The following FBLN1 variants were observed in gnomAD, a reference collection of about 807,000 sequenced individuals.
FBLN1 encodes fibulin-1.
Under a neutral mutation model 89.7 loss-of-function variants are expected in FBLN1, and 34 were observed. That is an observed-to-expected ratio of 0.38 (90% confidence interval 0.29 to 0.50). The LOEUF is 0.50. FBLN1 is among the 20% of genes least tolerant of loss of function. The pLI, the probability that FBLN1 is intolerant of heterozygous loss-of-function variation, is 0.92. For missense variants in FBLN1, 777 were observed against 988.1 expected, an observed-to-expected ratio of 0.79 and a Z score of 2.86; for synonymous variants, 393 against 391.3, an observed-to-expected ratio of 1.00 and a Z score of -0.05.
intron 14 of FBLN1, among the ~76,000 whole-genome samples, chr22:45,559,802 A>G (rs968419334): frequency 6.6e-6 from 1 of 152,188 alleles, no homozygotes; most frequent in African/African-American, 2.4e-5. Flanking sequence ...TACTCTGGTA[A>G]AAGGCCAGAG....
chr22:45,572,124 T>G lies in FBLN1; in HGVS notation c.1698-2387T>G, dbSNP rs1051069925. Among the ~76,000 whole-genome samples, 1 of 151,806 alleles carries G rather than the reference T, an allele frequency of 6.6e-6. No homozygotes were observed. The highest frequency in any genetic ancestry group is 1.5e-5 in the Non-Finnish European group (1 of 67,928). On this transcript the variant is annotated intron_variant, in intron 14 of 16. Coordinates refer to ENST00000327858, the MANE Select transcript of FBLN1 (RefSeq NM_006486.3). This position sits in a 1 kb window ranked among gnomAD's most constrained non-coding sequence, Gnocchi z 5.8. ...AGCCTGGGTGACAGAGCGAGACTCA[T>G]CTCAAAAAATATATAAAAATAAAAA... is the stretch of plus-strand genomic sequence containing the variant.
chr22:45,544,330 G>A (rs898104782), intron 11 of FBLN1, among the ~76,000 whole-genome samples: 10 of 152,168 alleles, frequency 6.6e-5, no homozygotes, highest in African/African-American at 2.2e-4. Context: ...CAGATGATCC[G>A]CCCACCTCGG....
rs2088408406 is a variant in FBLN1, at chr22:45,531,553, C to A, written c.544+229C>A. 6.6e-6 allele frequency among the ~76,000 whole-genome samples: 1 copy of A among 152,174 alleles called. No homozygotes were observed. The highest frequency in any genetic ancestry group is 2.4e-5 in the African/African-American group (1 of 41,432). On this transcript the variant is annotated intron_variant, in intron 5 of 16. Coordinates refer to ENST00000327858, the MANE Select transcript of FBLN1 (RefSeq NM_006486.3). This position sits in a 1 kb window ranked among gnomAD's most constrained non-coding sequence, Gnocchi z 4.9. ...AAAAACAAACAAACAAAAAGCAAAACCAAGGAATCTCGGTGCTGATCTCAC... is the reference window on the plus strand; with the variant it reads ...AAAAACAAACAAACAAAAAGCAAAAACAAGGAATCTCGGTGCTGATCTCAC...
At chr22:45,504,290 T>G (rs1602153420) in intron 1 of FBLN1, among the ~76,000 whole-genome samples, 1 of 152,206 alleles carries the variant, frequency 6.6e-6, no homozygotes, top group South Asian at 2.1e-4. Context: ...CAGAGCCCTG[T>G]GGAGCTCTGA....
rs76629160 is a variant in FBLN1 at position 45,583,811 on chromosome 22, A to G, written c.1972+6703A>G. Among the ~76,000 whole-genome samples the G allele has an allele frequency of 8.2e-3, 1,246 of 152,160 alleles. 15 individuals carry two copies. The highest frequency in any genetic ancestry group is 0.029 in the African/African-American group (1,183 of 41,496). On this transcript the variant is annotated intron_variant, in intron 16 of 16. Transcript: ENST00000327858. This position sits in a 1 kb window ranked among gnomAD's most constrained non-coding sequence, Gnocchi z 4.5. Reference sequence around the variant, plus strand: ...ATGAGAGAGAGAGAGAATGAGAGAGAGAGACAGAGAGAGACCTGTGGGACC... The same window carrying G: ...ATGAGAGAGAGAGAGAATGAGAGAGGGAGACAGAGAGAGACCTGTGGGACC...
At position 45,556,428 on chromosome 22, in the gene FBLN1, A is replaced by G. The variant is rs1004020539; in HGVS notation, c.1697+5813A>G. ...ATTCTGTATTCCCTTTGCCTTCAGC[A>G]AGCACCTTGGCAGATCTTGTTTTTT... On this transcript the variant is annotated intron_variant, in intron 14 of 16. Transcript: ENST00000327858. The surrounding 1 kb of genome is among the most constrained non-coding windows in gnomAD (Gnocchi z 4.6). 6.6e-6 allele frequency among the ~76,000 whole-genome samples: 1 copy of G among 150,714 alleles called. No individual in the cohort carries two copies. The highest frequency in any genetic ancestry group is 2.4e-5 in the African/African-American group (1 of 41,078).
At position 45,563,243 on chromosome 22, in the gene FBLN1, A is replaced by G. The variant is rs924850956; in HGVS notation, c.1698-11268A>G. On this transcript the variant is annotated intron_variant, in intron 14 of 16. Coordinates refer to ENST00000327858, the MANE Select transcript of FBLN1 (RefSeq NM_006486.3). The surrounding 1 kb of genome is among the most constrained non-coding windows in gnomAD (Gnocchi z 5.7). ...CAGCTCCTTTGTGGCCAAGCTTTTC[A>G]TCTTTGTGTCTGCAGAGCTCTGAGC... 2 of 1,613,474 alleles carry G rather than the reference A, an allele frequency of 1.2e-6. No individual in the cohort carries two copies. Among genetic ancestry groups the G allele is most frequent in the African/African-American group, 1.3e-5 (1 of 74,868 alleles).
At chr22:45,517,613 C>A (rs1334550522) in intron 1 of FBLN1, 1 of 471,204 alleles carries the variant, frequency 2.1e-6, no homozygotes, top group African/African-American at 2.0e-5. Flanking sequence ...TGCGGTTACT[C>A]CTGAACCTGT....
At chr22:45,542,684 G>A (rs776104037) in intron 10 of FBLN1, among the ~76,000 whole-genome samples, 1 of 152,212 alleles carries the variant, frequency 6.6e-6, no homozygotes, top group Non-Finnish European at 1.5e-5. Context: ...AGTTGACCAG[G>A]AGTGGGGTCA....
chr22:45,574,730 A>T lies in FBLN1; in HGVS notation c.1840+77A>T. The T allele has an allele frequency of 1.8e-5, 19 of 1,085,594 alleles. No homozygotes were observed. The highest frequency in any genetic ancestry group is 2.9e-5 in the East Asian group (1 of 34,074). The allele number at this position is 1,085,594 out of a possible 1,614,324, so 67.2% of individuals were successfully genotyped here. On this transcript the variant is annotated intron_variant, in intron 15 of 16. Transcript: ENST00000327858. This position sits in a 1 kb window ranked among gnomAD's most constrained non-coding sequence, Gnocchi z 4.1. ...TTCAGCTGAGGGCTTGGCCTACAGG[A>T]GTTGTTCCTTGTAAGATGTGGCCCA...
chr22:45,596,903 A>G (rs2089192285), intron 16 of FBLN1, among the ~76,000 whole-genome samples: 1 of 148,586 alleles, frequency 6.7e-6, no homozygotes, highest in African/African-American at 2.4e-5. Context: ...AATTTGACAT[A>G]CTTTATAACA....
intron 16 of FBLN1, among the ~76,000 whole-genome samples, chr22:45,595,281 G>A (rs1472490966): frequency 6.6e-6 from 1 of 152,172 alleles, no homozygotes; most frequent in African/African-American, 2.4e-5. Flanking sequence ...CAGAGGGGAG[G>A]GATAGAGAAG....
rs560336149 is a variant in FBLN1, at chr22:45,530,533, T to C, written c.485-732T>C. Reference sequence around the variant, plus strand: ...CCAGTGCTGGCCTGCGACAAATAAGTACAGAAATGGAGAATAACCCTTTTC... The same window carrying C: ...CCAGTGCTGGCCTGCGACAAATAAGCACAGAAATGGAGAATAACCCTTTTC... On this transcript the variant is annotated intron_variant, in intron 4 of 16. Coordinates refer to ENST00000327858, the MANE Select transcript of FBLN1 (RefSeq NM_006486.3). The surrounding 1 kb of genome is among the most constrained non-coding windows in gnomAD (Gnocchi z 5.4). Among the ~76,000 whole-genome samples the C allele has an allele frequency of 3.3e-5, 5 of 152,196 alleles. No individual in the cohort carries two copies. In the South Asian group the frequency reaches 1.0e-3, roughly 32 times the overall value.
chr22:45,507,637 C>G (rs1333151093), intron 1 of FBLN1, among the ~76,000 whole-genome samples: 1 of 152,174 alleles, frequency 6.6e-6, no homozygotes, highest in African/African-American at 2.4e-5. Context: ...AAACCATTCT[C>G]CTGCCTCAGT....
Position 45,572,396 on chromosome 22 carries a change from A to G in FBLN1, c.1698-2115A>G, listed in dbSNP as rs749395675. ...TAAAAATTGCAGAGGATCAAACCTCATCGGAGTGGCTTCCATCATGGGTTC... is the reference window on the plus strand; with the variant it reads ...TAAAAATTGCAGAGGATCAAACCTCGTCGGAGTGGCTTCCATCATGGGTTC... On this transcript the variant is annotated intron_variant, in intron 14 of 16. Transcript: ENST00000327858. The surrounding 1 kb of genome is among the most constrained non-coding windows in gnomAD (Gnocchi z 5.8). Among the ~76,000 whole-genome samples the G allele has an allele frequency of 2.4e-4, 36 of 152,332 alleles. No homozygotes were observed. The highest frequency in any genetic ancestry group is 6.8e-3 in the Middle Eastern group (2 of 294).
chr22:45,550,439 G>T lies in FBLN1; in HGVS notation c.1574-53G>T. On this transcript the variant is annotated intron_variant, in intron 13 of 16. Coordinates refer to ENST00000327858, the MANE Select transcript of FBLN1 (RefSeq NM_006486.3). The surrounding 1 kb of genome is among the most constrained non-coding windows in gnomAD (Gnocchi z 8.4). ...CCTGGGCTCCTCCGTCTCCAGATGG[G>T]TATGGCTCCTGCAGCCTCTGCCTTC... is the stretch of plus-strand genomic sequence containing the variant. 6.2e-7 allele frequency: 1 copy of T among 1,612,796 alleles called. No homozygotes were observed. The highest frequency in any genetic ancestry group is 2.2e-5 in the East Asian group (1 of 44,878).
chr22:45,523,711 A>G (rs565374246), intron 2 of FBLN1, among the ~76,000 whole-genome samples: 1 of 152,310 alleles, frequency 6.6e-6, no homozygotes, highest in South Asian at 2.1e-4. Flanking sequence ...CTCAAAAACA[A>G]AACAAAACAA....
intron 7 of FBLN1, 141 bp downstream of exon 7, chr22:45,534,039 AG>A: frequency 8.5e-7 from 1 of 1,181,046 alleles, no homozygotes; most frequent in Non-Finnish European, 1.2e-6. Context: ...CATCTGCAGG[AG>A]GGAGGTGGTT....
rs117420039 is a variant in FBLN1 at position 45,523,741 on chromosome 22, C to G, written c.186-1802C>G. On this transcript the variant is annotated intron_variant, in intron 2 of 16. Coordinates refer to ENST00000327858, the MANE Select transcript of FBLN1 (RefSeq NM_006486.3). ...AAACAAAACAAAAAACAACAACAAA[C>G]TGCTGTGAACATGGGTGTGCAAGTA... Among the ~76,000 whole-genome samples, 196 of 152,294 alleles carry G rather than the reference C, an allele frequency of 1.3e-3. 7 individuals carry two copies. The East Asian group carries it at 0.035, about 27-fold the overall frequency.
Sources: gnomAD v4.1 joint callset for allele counts (sites outside exome capture counted in the v4.1 genomes callset) on GRCh38, gnomAD v4.1.1 for gene constraint, Gnocchi (gnomAD v3.1) non-coding constraint, MANE v1.5 for transcripts, NCBI Gene and HGNC (gene_info 2026-07-23, HGNC 2026-07-21) for gene names.